Variants in ARB2A observed in about 807,000 individuals in gnomAD.
ARB2A encodes the protein cotranscriptional regulator ARB2A.
At chr5:94,041,509 A>C in the ARB2A span, among the ~76,000 whole-genome samples, 12 of 152,174 alleles carry the variant, frequency 7.9e-5, no homozygotes, top group African/African-American at 2.9e-4. Context: ...GAAAGAGCTT[A>C]AATTAATTGA....
the ARB2A span, among the ~76,000 whole-genome samples, chr5:93,800,534 T>C: frequency 6.6e-6 from 1 of 151,970 alleles, no homozygotes; most frequent in Non-Finnish European, 1.5e-5. Flanking sequence ...CTATATTCCT[T>C]AGGCTACTGA....
chr5:93,665,306 C>T, the ARB2A span, among the ~76,000 whole-genome samples: 1 of 152,054 alleles, frequency 6.6e-6, no homozygotes, highest in Admixed American at 6.5e-5. Flanking sequence ...TATAAGAAAA[C>T]CAACTGAGTC....
the ARB2A span, among the ~76,000 whole-genome samples, chr5:93,852,937 G>T: frequency 6.6e-6 from 1 of 152,040 alleles, no homozygotes; most frequent in Non-Finnish European, 1.5e-5. Flanking sequence ...TGGCGATGTG[G>T]GCTCTTTTTT....
At chr5:93,951,086 T>C in the ARB2A span, among the ~76,000 whole-genome samples, 1 of 152,172 alleles carries the variant, frequency 6.6e-6, no homozygotes, top group Non-Finnish European at 1.5e-5. Flanking sequence ...ATCAACGACG[T>C]TGGGCACCTT....
chr5:93,813,573 C>A, the ARB2A span, among the ~76,000 whole-genome samples: 3 of 152,066 alleles, frequency 2.0e-5, no homozygotes, highest in African/African-American at 7.2e-5. Flanking sequence ...ATTAGCATGG[C>A]GTGAACCACA....
At chr5:93,952,380 T>G in the ARB2A span, among the ~76,000 whole-genome samples, 1 of 152,326 alleles carries the variant, frequency 6.6e-6, no homozygotes, top group East Asian at 1.9e-4. Flanking sequence ...CTTTTGTTTG[T>G]CTGGGAAAGT....
chr5:94,022,835 T>TACA, the ARB2A span, among the ~76,000 whole-genome samples: 1 of 152,242 alleles, frequency 6.6e-6, no homozygotes, highest in Non-Finnish European at 1.5e-5. Flanking sequence ...CACTGGCTTG[T>TACA]AGGCCTTCAC....
the ARB2A span, among the ~76,000 whole-genome samples, chr5:93,719,857 T>G: frequency 1.3e-5 from 2 of 152,186 alleles, no homozygotes; most frequent in African/African-American, 4.8e-5. Flanking sequence ...ATCCTTTGGT[T>G]TCTATTTCAG....
At chr5:93,867,043 G>C in the ARB2A span, among the ~76,000 whole-genome samples, 2 of 151,964 alleles carry the variant, frequency 1.3e-5, no homozygotes, top group Non-Finnish European at 2.9e-5. Context: ...AAAAACATGA[G>C]TTCCTCTTCT....
the ARB2A span, among the ~76,000 whole-genome samples, chr5:93,913,269 G>A: frequency 1.3e-4 from 20 of 151,896 alleles, no homozygotes; most frequent in African/African-American, 3.9e-4. Context: ...ATTTTCTGTC[G>A]GCCAGGAGAA....
At chr5:93,872,323 A>C in the ARB2A span, among the ~76,000 whole-genome samples, 1 of 152,080 alleles carries the variant, frequency 6.6e-6, no homozygotes, top group African/African-American at 2.4e-5. Context: ...ATTATCCCTA[A>C]TTTATAGATG....
the ARB2A span, among the ~76,000 whole-genome samples, chr5:94,036,594 C>T: frequency 6.6e-6 from 1 of 152,166 alleles, no homozygotes; most frequent in Non-Finnish European, 1.5e-5. Flanking sequence ...ATTTGCATTT[C>T]TTTCCCTATG....
chr5:93,618,541 C>T, the ARB2A span: 2 of 151,982 alleles, frequency 1.3e-5, no homozygotes, highest in Non-Finnish European at 2.9e-5. Flanking sequence ...CTACTACCAA[C>T]GCTGGTTGTT....
the ARB2A span, chr5:93,620,674 G>C: frequency 4.3e-6 from 1 of 234,648 alleles, no homozygotes; most frequent in Non-Finnish European, 8.2e-6. Flanking sequence ...CAGCGCCCGC[G>C]CGGTCTCCTT....
chr5:93,704,242 G>A, the ARB2A span, among the ~76,000 whole-genome samples: 3 of 152,270 alleles, frequency 2.0e-5, no homozygotes, highest in South Asian at 6.2e-4. Context: ...ATGCCAACAG[G>A]AGAAATGGTT....
the ARB2A span, among the ~76,000 whole-genome samples, chr5:94,093,213 T>A: frequency 6.6e-6 from 1 of 152,154 alleles, no homozygotes. Flanking sequence ...TAGGAAACCG[T>A]GCTCTACTAG....
the ARB2A span, among the ~76,000 whole-genome samples, chr5:93,922,329 T>C: frequency 2.0e-5 from 3 of 151,564 alleles, no homozygotes; most frequent in Non-Finnish European, 4.4e-5. Flanking sequence ...ATAAGGATCT[T>C]GGGATATTCA....
chr5:93,626,130 T>A, the ARB2A span, among the ~76,000 whole-genome samples: 3 of 152,342 alleles, frequency 2.0e-5, no homozygotes, highest in African/African-American at 7.2e-5. Flanking sequence ...TTTTATGCAG[T>A]AGATGTCTTA....
At chr5:93,939,250 C>A in the ARB2A span, among the ~76,000 whole-genome samples, 2 of 152,018 alleles carry the variant, frequency 1.3e-5, no homozygotes, top group Admixed American at 1.3e-4. Context: ...GCATGTACAT[C>A]TGTGTATATG....
Sources: allele counts gnomAD v4.1 joint callset (sites outside exome capture counted in the v4.1 genomes callset), GRCh38; gene constraint gnomAD v4.1.1; transcripts MANE v1.5; gene names NCBI Gene and HGNC (gene_info 2026-07-23, HGNC 2026-07-21).